The following ANKFY1 variants were observed in gnomAD, a reference collection of about 807,000 sequenced individuals.
ANKFY1 encodes the protein ankyrin repeat and FYVE domain-containing protein 1.
ANKFY1 carries 47 observed loss-of-function variants against 128.3 expected under a neutral mutation model. The ratio of observed to expected loss-of-function variants is 0.37; its 90% confidence interval spans 0.29 to 0.47. The LOEUF (loss-of-function observed/expected upper bound fraction) is 0.47, where lower values mean the gene tolerates loss of function less well. ANKFY1 is among the 20% of genes least tolerant of loss of function. The pLI, the probability that ANKFY1 is intolerant of heterozygous loss-of-function variation, is 1.00. For synonymous variants in ANKFY1, 553 were observed against 601.6 expected (o/e 0.92, Z 1.18); for missense variants, 1,222 against 1,510.6 (o/e 0.81, Z 3.17).
chr17:4,238,152 TAAAAAAA>T (rs55944256), intron 2 of ANKFY1, among the ~76,000 whole-genome samples: 1 of 92,694 alleles, frequency 1.1e-5, no homozygotes, highest in African/African-American at 4.0e-5. Context: ...CTTATTTATT[TAAAAAAA>T]AAAAAAAAAA....
At chr17:4,190,147 G>T (rs551910620) in intron 10 of ANKFY1, among the ~76,000 whole-genome samples, 1 of 152,278 alleles carries the variant, frequency 6.6e-6, no homozygotes, top group Non-Finnish European at 1.5e-5. Context: ...AATTAGAAAT[G>T]TCTGTAGATG....
chr17:4,235,991 A>G, intron 2 of ANKFY1, 101 bp from the exon 3 acceptor site: 3 of 803,030 alleles, frequency 3.7e-6, no homozygotes, highest in South Asian at 1.6e-5. Context: ...ATCAACATAC[A>G]TCTGCAAAAG....
rs537446947 is a variant in ANKFY1 at position 4,252,033 on chromosome 17, T to TAA, written c.11-9587_11-9586dup. Among the ~76,000 whole-genome samples the TAA allele has an allele frequency of 3.8e-4, 36 of 94,338 alleles. No individual in the cohort carries two copies. In the East Asian group the frequency reaches 4.4e-3, roughly 12 times the overall value. 61.9% of individuals were successfully genotyped at this position (94,338 alleles called of 152,430 possible). ...TGGGCAACAGAACGAGACTCCGTCT[T>TAA]AAAAAAAAAAAAAAAAAAAGACTTG... On this transcript the variant is annotated intron_variant, in intron 1 of 24. Coordinates refer to ENST00000341657, the MANE Select transcript of ANKFY1 (RefSeq NM_001330063.2).
chr17:4,238,854 G>C (rs537837068), intron 2 of ANKFY1, among the ~76,000 whole-genome samples: 1 of 152,028 alleles, frequency 6.6e-6, no homozygotes, highest in African/African-American at 2.4e-5. Flanking sequence ...CCACCTTCGG[G>C]TTCAAGCAAT....
intron 6 of ANKFY1, 47 bp from the exon 7 acceptor site, chr17:4,206,533 G>C (rs565794865): frequency 6.4e-7 from 1 of 1,553,262 alleles, no homozygotes; most frequent in Admixed American, 1.7e-5. Flanking sequence ...TAGAGAATAC[G>C]ACCTATTTTA....
chr17:4,177,227 T>C lies in ANKFY1; in HGVS notation c.2674A>G (p.Ser892Gly), dbSNP rs2059425211. The C allele has an allele frequency of 1.3e-5, 21 of 1,608,374 alleles. No individual in the cohort carries two copies. Among genetic ancestry groups the C allele is most frequent in the Non-Finnish European group, 1.8e-5 (21 of 1,177,230 alleles). ...CTTGAATTCACATTAGCGTGGACAC[T>C]GATCAGGAACAGCACACTTTCAATA... The part of the protein sequence containing the change: ...SDIESVLFLI[S>G]VHANVNSRVQ... Residue 892 changes from serine to glycine, a missense_variant, in exon 19 of 25, where the codon AGT (serine) becomes GGT (glycine). By Grantham distance (56) the Ser-to-Gly change is moderately conservative. Transcript: ENST00000341657.
At chr17:4,209,736 G>T in intron 5 of ANKFY1, 88 bp downstream of exon 5, 1 of 1,441,184 alleles carries the variant, frequency 6.9e-7, no homozygotes, top group South Asian at 1.4e-5. Context: ...AGGTGCCAGA[G>T]AGGTCACTTT....
chr17:4,187,232 C>T, intron 11 of ANKFY1: 1 of 400,442 alleles, frequency 2.5e-6, no homozygotes, highest in Non-Finnish European at 4.4e-6. Context: ...CTTGCCCTCG[C>T]TTCTGGGAGC....
Position 4,170,832 on chromosome 17 carries a change from C to T in ANKFY1, c.3169G>A (p.Ala1057Thr), listed in dbSNP as rs368663243. The T allele has an allele frequency of 3.7e-6, 6 of 1,614,052 alleles. No individual in the cohort carries two copies. The highest frequency in any genetic ancestry group is 3.3e-5 in the Admixed American group (2 of 60,006). The change falls in exon 23 of 25, where the codon GCC (alanine) becomes ACC (threonine). Residue 1057 changes from alanine (A) to threonine (T), a missense_variant. Transcript: ENST00000341657. Reference protein sequence around the residue: ...VLLLAYMKGNANLCRAIVRSG... With the variant: ...VLLLAYMKGNTNLCRAIVRSG... ...CGGACGATGGCGCGGCACAAGTTGGCGTTCCCTTTCATGTATGCCAGGAGC... is the reference window on the plus strand; with the variant it reads ...CGGACGATGGCGCGGCACAAGTTGGTGTTCCCTTTCATGTATGCCAGGAGC...
At chr17:4,195,198 C>T in intron 9 of ANKFY1, 21 bp from the exon 10 acceptor site, 2 of 1,587,260 alleles carry the variant, frequency 1.3e-6, no homozygotes, top group Non-Finnish European at 1.7e-6. Context: ...GAAGCAGTGT[C>T]AACAGCACAT....
In ANKFY1 at chr17:4,177,245, T is replaced by G; in HGVS notation, c.2656A>C (p.Ser886Arg). The change falls in exon 19 of 25, where the codon AGT becomes CGT. Residue 886 changes from serine (S) to arginine (R), a missense_variant. Ser to Arg is a moderately radical substitution (Grantham distance 110, BLOSUM62 -1). Transcript: ENST00000341657. ...HVAVQNSDIESVLFLISVHAN... is the reference protein window; with the variant it reads ...HVAVQNSDIERVLFLISVHAN... ...TGGACACTGATCAGGAACAGCACAC[T>G]TTCAATATCAGAGTTCTGAACTGCC... 4 of 1,605,542 alleles carry G rather than the reference T, an allele frequency of 2.5e-6. No individual in the cohort carries two copies. The highest frequency in any genetic ancestry group is 3.4e-6 in the Non-Finnish European group (4 of 1,175,864).
intron 3 of ANKFY1, chr17:4,223,763 A>T: frequency 6.4e-7 from 1 of 1,559,760 alleles, no homozygotes; most frequent in Non-Finnish European, 8.8e-7. Context: ...TCCGGGGGAG[A>T]GGCCCAAGTT....
intron 10 of ANKFY1, among the ~76,000 whole-genome samples, chr17:4,192,389 G>C (rs985176699): frequency 6.6e-6 from 1 of 150,932 alleles, no homozygotes; most frequent in Non-Finnish European, 1.5e-5. Flanking sequence ...CCTAGTTGAT[G>C]GCTGCTCTAA....
At chr17:4,230,942 C>T (rs1281626556) in intron 3 of ANKFY1, among the ~76,000 whole-genome samples, 2 of 152,120 alleles carry the variant, frequency 1.3e-5, no homozygotes, top group African/African-American at 4.8e-5. Flanking sequence ...ACATACAATA[C>T]CAATACCATT....
At chr17:4,258,642 AGTGTTCTATTAATCT>A (rs1337648155) in intron 1 of ANKFY1, among the ~76,000 whole-genome samples, 6 of 152,190 alleles carry the variant, frequency 3.9e-5, no homozygotes, top group Admixed American at 3.9e-4. Context: ...CAATGGTGCA[AGTGTTCTATTAATCT>A]GTGCTGTCCA....
In ANKFY1 at chr17:4,166,320, C is replaced by T. The variant is rs1171948964; in HGVS notation, c.*1459G>A. The T allele has an allele frequency of 6.6e-6, 1 of 152,446 alleles. No homozygotes were observed. Among genetic ancestry groups the T allele is most frequent in the Non-Finnish European group, 1.5e-5 (1 of 68,016 alleles). 9.4% of individuals were successfully genotyped at this position (152,446 alleles called of 1,614,324 possible). On this transcript the variant is annotated 3_prime_UTR_variant, in exon 25 of 25. Coordinates refer to ENST00000341657, the MANE Select transcript of ANKFY1 (RefSeq NM_001330063.2). ...TCCCTTTACACATATAGTCAAACTTCATTAATGCAAAAAAATGTAGTGGTT... is the reference window on the plus strand; with the variant it reads ...TCCCTTTACACATATAGTCAAACTTTATTAATGCAAAAAAATGTAGTGGTT...
chr17:4,183,722 C>G, intron 13 of ANKFY1, 90 bp downstream of exon 13: 1 of 1,448,882 alleles, frequency 6.9e-7, no homozygotes, highest in Non-Finnish European at 9.6e-7. Flanking sequence ...AGCCCAGTCT[C>G]CTCTTTCTTT....
At chr17:4,179,454 G>T in intron 17 of ANKFY1, 1 of 547,220 alleles carries the variant, frequency 1.8e-6, no homozygotes, top group Non-Finnish European at 3.2e-6. Context: ...TATGCGATTT[G>T]GGACTAAACT....
At chr17:4,256,310 C>T (rs1252880989) in intron 1 of ANKFY1, among the ~76,000 whole-genome samples, 1 of 151,996 alleles carries the variant, frequency 6.6e-6, no homozygotes, top group African/African-American at 2.4e-5. Context: ...CGCCTGTAGT[C>T]CCAGCTACTC....
Sources: allele counts gnomAD v4.1 joint callset (sites outside exome capture counted in the v4.1 genomes callset), GRCh38; gene constraint gnomAD v4.1.1; transcripts MANE v1.5; gene names NCBI Gene and HGNC (gene_info 2026-07-23, HGNC 2026-07-21).